Variants in SYNPR observed in about 807,000 individuals in gnomAD.
The protein encoded by SYNPR is synaptoporin.
Under a neutral mutation model 32.9 loss-of-function variants are expected in SYNPR, and 23 were observed. The ratio of observed to expected loss-of-function variants is 0.70; its 90% CI spans 0.50 to 0.99. The LOEUF is 0.99. Ranked by LOEUF, SYNPR falls within the 50% of genes least tolerant of loss-of-function variation. The pLI is 0.00. For missense variants in SYNPR, 318 were observed against 349.3 expected (o/e 0.91, Z 0.71); for synonymous variants, 146 against 135.9 (o/e 1.07, Z -0.52).
rs144569956 is a variant in SYNPR at position 63,491,613 on chromosome 3, T to C, written c.209+10657T>C. On this transcript the variant is annotated intron_variant, in intron 3 of 5. Transcript: ENST00000478300. ...TGGACTTACTGCAATCTCCACCTCC[T>C]GGGTTCAAGTGATTCTCGTGCCTCA... 2.5e-3 allele frequency among the ~76,000 whole-genome samples: 377 copies of C among 152,270 alleles called. 1 individual carries two copies. The highest frequency in any genetic ancestry group is 8.3e-3 in the African/African-American group (344 of 41,564).
chr3:63,552,376 A>T (rs1702518187), intron 3 of SYNPR, among the ~76,000 whole-genome samples: 1 of 152,180 alleles, frequency 6.6e-6, no homozygotes, highest in Non-Finnish European at 1.5e-5. Flanking sequence ...ACTATTGAGG[A>T]AGATTCTAAT....
At chr3:63,482,718 C>T (rs1172304898) in intron 3 of SYNPR, among the ~76,000 whole-genome samples, 1 of 152,168 alleles carries the variant, frequency 6.6e-6, no homozygotes, top group Non-Finnish European at 1.5e-5. Context: ...CATTAATGTT[C>T]ATCTAGGAGA....
intron 2 of SYNPR, among the ~76,000 whole-genome samples, chr3:63,323,624 A>C (rs1409403672): frequency 6.6e-6 from 1 of 152,118 alleles, no homozygotes; most frequent in Non-Finnish European, 1.5e-5. Flanking sequence ...ATTTGATCAG[A>C]GTTCAAAGAC....
chr3:63,408,334 A>AAG (rs2088413745), intron 2 of SYNPR, among the ~76,000 whole-genome samples: 1 of 140,802 alleles, frequency 7.1e-6, no homozygotes, highest in East Asian at 2.3e-4. Flanking sequence ...GAAAGAAAGA[A>AAG]AGAAAGAAAG....
chr3:63,477,518 TAGC>T (rs1700950168), intron 2 of SYNPR, among the ~76,000 whole-genome samples: 1 of 152,212 alleles, frequency 6.6e-6, no homozygotes, highest in Admixed American at 6.5e-5. Context: ...ACTTGAGAGA[TAGC>T]AGGTAAATGA....
At chr3:63,306,318 G>A (rs752671911) in intron 2 of SYNPR, among the ~76,000 whole-genome samples, 1 of 151,898 alleles carries the variant, frequency 6.6e-6, no homozygotes, top group African/African-American at 2.4e-5. Context: ...CTTGGAGAGG[G>A]TTCTCCATAT....
chr3:63,464,994 T>C (rs1017140226), intron 2 of SYNPR, among the ~76,000 whole-genome samples: 1 of 152,170 alleles, frequency 6.6e-6, no homozygotes, highest in African/African-American at 2.4e-5. Flanking sequence ...ATTAGTGTGT[T>C]CCATGTGAAC....
At chr3:63,403,179 C>T (rs1475715836) in intron 2 of SYNPR, among the ~76,000 whole-genome samples, 1 of 152,062 alleles carries the variant, frequency 6.6e-6, no homozygotes, top group Non-Finnish European at 1.5e-5. Context: ...TTGTATTCAA[C>T]CATATAACAT....
chr3:63,378,172 T>C (rs1015802442), intron 2 of SYNPR, among the ~76,000 whole-genome samples: 2 of 151,978 alleles, frequency 1.3e-5, no homozygotes, highest in South Asian at 2.1e-4. Context: ...TATTTTGTAA[T>C]GTAACTTTGA....
At chr3:63,234,560 G>A (rs142256997) in intron 1 of SYNPR, among the ~76,000 whole-genome samples, 1 of 152,288 alleles carries the variant, frequency 6.6e-6, no homozygotes, top group African/African-American at 2.4e-5. Context: ...ATTCTCCCCA[G>A]TTTAGAAAAT....
At chr3:63,285,244 G>C (rs2086669203) in intron 2 of SYNPR, among the ~76,000 whole-genome samples, 1 of 152,116 alleles carries the variant, frequency 6.6e-6, no homozygotes, top group African/African-American at 2.4e-5. Context: ...TCTATTTTCT[G>C]TTAGTTATTA....
chr3:63,528,324 A>G (rs1702052972), intron 3 of SYNPR, among the ~76,000 whole-genome samples: 1 of 152,200 alleles, frequency 6.6e-6, no homozygotes, highest in Non-Finnish European at 1.5e-5. Flanking sequence ...GTCATGTCCA[A>G]GCTTTTAATA....
intron 2 of SYNPR, among the ~76,000 whole-genome samples, chr3:63,340,079 C>T (rs913687757): frequency 6.6e-6 from 1 of 152,126 alleles, no homozygotes; most frequent in Non-Finnish European, 1.5e-5. Flanking sequence ...TATAATTATA[C>T]ATAATGTAAC....
intron 3 of SYNPR, among the ~76,000 whole-genome samples, chr3:63,503,830 A>C (rs906924571): frequency 2.0e-5 from 3 of 152,116 alleles, no homozygotes; most frequent in Non-Finnish European, 2.9e-5. Context: ...CTTAAAGGAC[A>C]GTCAGTGGCT....
At chr3:63,239,371 ATTG>A (rs1352662058) in intron 1 of SYNPR, among the ~76,000 whole-genome samples, 2 of 150,828 alleles carry the variant, frequency 1.3e-5, no homozygotes, top group Admixed American at 6.6e-5. Context: ...CCATCCTATC[ATTG>A]TCAAGTGTGT....
chr3:63,466,715 C>G (rs1700688755), intron 2 of SYNPR, among the ~76,000 whole-genome samples: 1 of 148,306 alleles, frequency 6.7e-6, no homozygotes, highest in African/African-American at 2.5e-5. Context: ...GCTGAAGGTG[C>G]TAAGGCCTCT....
rs2086457996 is a variant in SYNPR at position 63,263,651 on chromosome 3, G to A, written n.155-3666G>A. 2.6e-5 allele frequency among the ~76,000 whole-genome samples: 4 copies of A among 152,274 alleles called. No individual in the cohort carries two copies. In the Middle Eastern group the frequency reaches 0.01, roughly 391 times the overall value. ...CTTCCAAAGTTGGTGAGTTGGTGCT[G>A]GCTGCCAGCCAGTAGCTTGGCCACA... On this transcript the variant is annotated intron_variant and non_coding_transcript_variant, in intron 2 of 4. Transcript: ENST00000478456.
intron 2 of SYNPR, among the ~76,000 whole-genome samples, chr3:63,353,888 A>G (rs927657721): frequency 2.0e-5 from 3 of 152,200 alleles, no homozygotes; most frequent in African/African-American, 7.2e-5. Context: ...TTGCACTTCA[A>G]GCTTTGTGTT....
chr3:63,341,151 C>T (rs1253689758), intron 2 of SYNPR, among the ~76,000 whole-genome samples: 1 of 152,210 alleles, frequency 6.6e-6, no homozygotes, highest in East Asian at 1.9e-4. Context: ...GCAGCCTTTA[C>T]AGATTGGCTT....
Sources: allele counts gnomAD v4.1 joint callset (sites outside exome capture counted in the v4.1 genomes callset), GRCh38; gene constraint gnomAD v4.1.1; transcripts MANE v1.5; gene names NCBI Gene and HGNC (gene_info 2026-07-23, HGNC 2026-07-21).